The following DENND2C variants were observed in gnomAD, a reference collection of about 807,000 sequenced individuals.
DENND2C encodes DENN domain containing 2C.
Under a neutral mutation model 112.4 loss-of-function variants are expected in DENND2C, and 72 were observed. That is an observed-to-expected ratio of 0.64 (90% CI 0.53 to 0.78). The LOEUF is 0.78. Among genes scored for constraint, DENND2C ranks in the 30% least tolerant of loss-of-function variants. The pLI is 0.00. For synonymous variants in DENND2C, 329 were observed against 381.6 expected (o/e 0.86, Z 1.61); for missense variants, 992 against 1,113.8 (o/e 0.89, Z 1.56).
At position 114,625,314 on chromosome 1, in the gene DENND2C, C is replaced by A; in HGVS notation, c.671G>T (p.Gly224Val). The change falls in exon 4 of 21, where the codon GGT (glycine) becomes GTT (valine). Residue 224 changes from glycine to valine, a missense_variant. Coordinates refer to ENST00000393274, the MANE Select transcript of DENND2C (RefSeq NM_001256404.2). Reference sequence around the variant, plus strand: ...GTTTCTTTCTTTATACGGCGTAACACCAGATTCGGATAAATATCTGAATGT... The same window carrying A: ...GTTTCTTTCTTTATACGGCGTAACAACAGATTCGGATAAATATCTGAATGT... ...RRTFRYLSESGVTPYKERNCD... is the reference protein window; with the variant it reads ...RRTFRYLSESVVTPYKERNCD... 6.2e-7 allele frequency: 1 copy of A among 1,614,148 alleles called. No individual in the cohort carries two copies. The highest frequency in any genetic ancestry group is 1.1e-5 in the South Asian group (1 of 91,084).
At chr1:114,656,321 G>A (rs1247280196) in intron 1 of DENND2C, among the ~76,000 whole-genome samples, 1 of 151,716 alleles carries the variant, frequency 6.6e-6, no homozygotes, top group East Asian at 1.9e-4. Flanking sequence ...CGATCCTCCT[G>A]CTTCAGGCTC....
At position 114,587,742 on chromosome 1, in the gene DENND2C, C is replaced by G; in HGVS notation, c.2642G>C (p.Arg881Pro). The stretch of plus-strand genomic sequence containing the variant: ...TTTAACTCCACTTTTCCGAAGCTCT[C>G]GGTCCTGGATGAATCCTGCAAACAT... Reference protein sequence around the residue: ...TQMFAGFIQDRELRKSGVKGL... With the variant: ...TQMFAGFIQDPELRKSGVKGL... Residue 881 changes from arginine (R) to proline (P), a missense_variant, in exon 19 of 21, where the codon CGA (arginine) becomes CCA (proline). Coordinates refer to ENST00000393274, the MANE Select transcript of DENND2C (RefSeq NM_001256404.2). 6.2e-7 allele frequency: 1 copy of G among 1,611,920 alleles called. No homozygotes were observed. Among genetic ancestry groups the G allele is most frequent in the East Asian group, 2.2e-5 (1 of 44,838 alleles).
At chr1:114,636,705 G>T (rs759575358) in intron 3 of DENND2C, among the ~76,000 whole-genome samples, 24 of 151,338 alleles carry the variant, frequency 1.6e-4, no homozygotes, top group Non-Finnish European at 2.9e-4. Flanking sequence ...AATAAGGCAA[G>T]AAAAACTAAG....
chr1:114,629,784 A>C (rs1656439381), intron 3 of DENND2C, among the ~76,000 whole-genome samples: 1 of 152,238 alleles, frequency 6.6e-6, no homozygotes, highest in Non-Finnish European at 1.5e-5. Flanking sequence ...AAGAGAAACC[A>C]ATCTGAATTC....
chr1:114,601,567 G>A lies in DENND2C; in HGVS notation c.1756C>T (p.Arg586Ter), dbSNP rs1387654053. The A allele has an allele frequency of 7.4e-6, 12 of 1,612,524 alleles. No homozygotes were observed. The highest frequency in any genetic ancestry group is 1.3e-5 in the African/African-American group (1 of 74,948). ...ACCATGCAGTATACCTCAGGGAGTC[G>A]CTTTCCTTTGCCTACTGGCTAAAAG... ...KKLLPVGKGK[R>*]LPEVYCMVSR... The change falls in exon 13 of 21, where the codon CGA (arginine) becomes TGA (stop). Residue 586 changes from arginine (R) to a stop codon, truncating the protein, a stop_gained. Coordinates refer to ENST00000393274, the MANE Select transcript of DENND2C (RefSeq NM_001256404.2). LOFTEE classifies it high-confidence loss of function.
intron 3 of DENND2C, among the ~76,000 whole-genome samples, chr1:114,642,633 G>T (rs1189781106): frequency 6.6e-6 from 1 of 152,058 alleles, no homozygotes; most frequent in African/African-American, 2.4e-5. Context: ...CCTAATTCTT[G>T]TAACAACCCC....
At position 114,611,119 on chromosome 1, in the gene DENND2C, TGAAA is replaced by T. The variant is rs1296247669; in HGVS notation, c.1325-6_1325-3del. On this transcript the variant is annotated splice_polypyrimidine_tract_variant and splice_region_variant and intron_variant, in intron 8 of 20. Coordinates refer to ENST00000393274, the MANE Select transcript of DENND2C (RefSeq NM_001256404.2). ...CACTTTCGTTCCCACTGGTTTCACC[TGAAA>T]AGAGAGAAGGAGTTTCCATTTGTAT... 6.2e-7 allele frequency: 1 copy of T among 1,614,124 alleles called. No homozygotes were observed. Among genetic ancestry groups the T allele is most frequent in the South Asian group, 1.1e-5 (1 of 91,080 alleles).
At chr1:114,669,607 T>C (rs910165319) in intron 1 of DENND2C, among the ~76,000 whole-genome samples, 1 of 152,158 alleles carries the variant, frequency 6.6e-6, no homozygotes, top group African/African-American at 2.4e-5. Context: ...CTGGCTAATT[T>C]TGGAGAAAGC....
intron 1 of DENND2C, among the ~76,000 whole-genome samples, chr1:114,667,766 T>C (rs191847965): frequency 8.9e-4 from 135 of 152,302 alleles, no homozygotes; most frequent in Admixed American, 7.7e-3. Context: ...GCGCAAAGGT[T>C]ACAATCAGGT....
At chr1:114,669,629 C>G (rs1223224434) in intron 1 of DENND2C, among the ~76,000 whole-genome samples, 2 of 152,152 alleles carry the variant, frequency 1.3e-5, no homozygotes, top group Admixed American at 1.3e-4. Context: ...CGCGTTTCCC[C>G]AGGCTGCCGG....
At chr1:114,628,213 G>T (rs1457556859) in intron 3 of DENND2C, among the ~76,000 whole-genome samples, 1 of 151,712 alleles carries the variant, frequency 6.6e-6, no homozygotes, top group East Asian at 1.9e-4. Context: ...GCTACAAGCT[G>T]GGAGGCTGAG....
intron 1 of DENND2C, among the ~76,000 whole-genome samples, chr1:114,663,516 A>T (rs923984776): frequency 2.0e-5 from 3 of 152,220 alleles, no homozygotes; most frequent in Non-Finnish European, 4.4e-5. Context: ...TAAAAACAGG[A>T]GGTATGATTT....
chr1:114,668,710 G>A (rs191418777), intron 1 of DENND2C, among the ~76,000 whole-genome samples: 20 of 151,844 alleles, frequency 1.3e-4, no homozygotes, highest in Admixed American at 7.9e-4. Context: ...AAAATCCCTC[G>A]CACACATATC....
At chr1:114,614,799 T>C (rs1378434552) in intron 8 of DENND2C, among the ~76,000 whole-genome samples, 2 of 151,926 alleles carry the variant, frequency 1.3e-5, no homozygotes, top group Non-Finnish European at 2.9e-5. Context: ...GATCACGAGG[T>C]CAAGAGATTG....
intron 20 of DENND2C, 142 bp downstream of exon 20, chr1:114,587,245 C>T (rs1013337599): frequency 1.2e-6 from 1 of 857,318 alleles, no homozygotes; most frequent in Admixed American, 2.0e-5. Flanking sequence ...TGGGGTCTCA[C>T]TATGTTGCCC....
At chr1:114,637,896 T>C (rs1656701934) in intron 3 of DENND2C, among the ~76,000 whole-genome samples, 1 of 152,286 alleles carries the variant, frequency 6.6e-6, no homozygotes, top group African/African-American at 2.4e-5. Context: ...TTGTTGAATC[T>C]GTAGATTCAA....
intron 1 of DENND2C, among the ~76,000 whole-genome samples, chr1:114,667,458 C>T (rs529641854): frequency 6.6e-6 from 1 of 152,144 alleles, no homozygotes; most frequent in South Asian, 2.1e-4. Flanking sequence ...TTATGAGGTG[C>T]TTTTTAATGA....
At chr1:114,620,605 G>A (rs1375241843) in intron 7 of DENND2C, among the ~76,000 whole-genome samples, 1 of 152,146 alleles carries the variant, frequency 6.6e-6, no homozygotes, top group Non-Finnish European at 1.5e-5. Context: ...CCATGTGGGA[G>A]GCTGCTTTGT....
At chr1:114,608,382 C>A (rs1310099906) in intron 10 of DENND2C, among the ~76,000 whole-genome samples, 1 of 152,190 alleles carries the variant, frequency 6.6e-6, no homozygotes, top group Non-Finnish European at 1.5e-5. Flanking sequence ...CCTATTCTGT[C>A]ACATTTATTA....
Sources: gnomAD v4.1 joint callset for allele counts (sites outside exome capture counted in the v4.1 genomes callset) on GRCh38, gnomAD v4.1.1 for gene constraint, MANE v1.5 for transcripts, NCBI Gene and HGNC (gene_info 2026-07-23, HGNC 2026-07-21) for gene names.